ZC3H8: variants seen among roughly 807,000 people sequenced by gnomAD.
ZC3H8 encodes zinc finger CCCH-type containing 8.
A neutral mutation model predicts 42.5 loss-of-function variants in ZC3H8; 27 were observed. The observed-to-expected ratio is 0.64, with a 90% confidence interval of 0.47 to 0.88. ZC3H8 has a LOEUF of 0.88. Ranked by LOEUF, ZC3H8 falls within the 40% of genes least tolerant of loss-of-function variation. The pLI is 0.00. For missense variants in ZC3H8, 277 were observed against 336.1 expected (o/e 0.82, Z 1.37); for synonymous variants, 101 against 110.1 (o/e 0.92, Z 0.52).
intron 8 of ZC3H8, among the ~76,000 whole-genome samples, chr2:112,227,459 C>T (rs920924586): frequency 2.6e-5 from 4 of 152,102 alleles, no homozygotes; most frequent in African/African-American, 7.2e-5. Context: ...CGCAAGGCCG[C>T]GGTTGCAGTG....
intron 8 of ZC3H8, among the ~76,000 whole-genome samples, chr2:112,219,091 G>A (rs773094790): frequency 6.6e-6 from 1 of 151,996 alleles, no homozygotes; most frequent in Non-Finnish European, 1.5e-5. Context: ...TCCAGAAATA[G>A]AAAAATCTGT....
At chr2:112,252,577 G>C (rs887659100) in intron 1 of ZC3H8, among the ~76,000 whole-genome samples, 3 of 151,930 alleles carry the variant, frequency 2.0e-5, no homozygotes, top group Admixed American at 6.6e-5. Flanking sequence ...TCCTTATTTC[G>C]GCACCTACCA....
At chr2:112,220,729 G>A (rs994931634) in intron 8 of ZC3H8, among the ~76,000 whole-genome samples, 11 of 152,210 alleles carry the variant, frequency 7.2e-5, no homozygotes, top group Non-Finnish European at 1.5e-4. Flanking sequence ...GCTGAGGCAG[G>A]AGAATCACTT....
rs539355569 is a variant in ZC3H8 at position 112,229,051 on chromosome 2, T to C, written c.*15+1852A>G. On this transcript the variant is annotated intron_variant, in intron 8 of 8. Coordinates refer to ENST00000409573, the MANE Select transcript of ZC3H8 (RefSeq NM_032494.3). ...AATCAAAATGACTGACAGTAACAAG[T>C]GTTGCTACGGTAATTAAGATAGTAT... Among the ~76,000 whole-genome samples, 89 of 152,320 alleles carry C rather than the reference T, an allele frequency of 5.8e-4. 2 individuals are homozygous for C. The highest frequency in any genetic ancestry group is 1.7e-3 in the African/African-American group (72 of 41,586).
chr2:112,219,858 TGG>T (rs1475335819), intron 8 of ZC3H8, among the ~76,000 whole-genome samples: 2 of 152,202 alleles, frequency 1.3e-5, no homozygotes, highest in African/African-American at 4.8e-5. Flanking sequence ...ATACTGTGAG[TGG>T]AGTGTTTAAT....
chr2:112,242,003 C>T (rs1361934585), intron 2 of ZC3H8, among the ~76,000 whole-genome samples: 1 of 152,216 alleles, frequency 6.6e-6, no homozygotes, highest in Non-Finnish European at 1.5e-5. Context: ...CCTATCCACA[C>T]AGCCTACTCA....
rs1394513622 is a variant in ZC3H8 at position 112,214,793 on chromosome 2, C to T, written c.*1691G>A. The T allele has an allele frequency of 1.3e-5, 2 of 152,120 alleles. No homozygotes were observed. Among genetic ancestry groups the T allele is most frequent in the Non-Finnish European group, 2.9e-5 (2 of 68,028 alleles). The allele number at this position is 152,120 out of a possible 1,614,324, so 9.4% of individuals were successfully genotyped here. A position where few individuals can be genotyped will look rare whatever the true frequency, so the allele number is the denominator to read the frequency against. On this transcript the variant is annotated 3_prime_UTR_variant, in exon 9 of 9. Transcript: ENST00000409573. ...GCTGCCATAACCCAGGTAGGAGAGA[C>T]CCACAGGCTAGCAGCTGCTTTGAGA...
chr2:112,231,339 A>G (rs1262236858), intron 7 of ZC3H8, among the ~76,000 whole-genome samples: 3 of 152,214 alleles, frequency 2.0e-5, no homozygotes, highest in African/African-American at 2.4e-5. Flanking sequence ...TAAATTTTTA[A>G]GAGACTAGCT....
intron 2 of ZC3H8, among the ~76,000 whole-genome samples, chr2:112,246,250 T>G (rs1241897569): frequency 6.6e-6 from 1 of 152,224 alleles, no homozygotes; most frequent in East Asian, 1.9e-4. Context: ...AATGTTTTCA[T>G]GTCCACAAAC....
chr2:112,239,537 C>T (rs1258382731), intron 2 of ZC3H8, among the ~76,000 whole-genome samples: 1 of 149,394 alleles, frequency 6.7e-6, no homozygotes, highest in East Asian at 1.9e-4. Context: ...ACAGAAGAAT[C>T]GCTATTATAA....
At chr2:112,253,007 G>A (rs917807280) in intron 1 of ZC3H8, among the ~76,000 whole-genome samples, 2 of 152,146 alleles carry the variant, frequency 1.3e-5, no homozygotes, top group Non-Finnish European at 2.9e-5. Context: ...GGTGGCAGGC[G>A]CCTGTAGTCC....
In ZC3H8 at chr2:112,236,700, A is replaced by T. The variant is rs781773043; in HGVS notation, c.371-5T>A. On this transcript the variant is annotated splice_region_variant and splice_polypyrimidine_tract_variant and intron_variant, in intron 3 of 8. Coordinates refer to ENST00000409573, the MANE Select transcript of ZC3H8 (RefSeq NM_032494.3). ...TTTTATTTTTTTGTTTAGCAGCTAA[A>T]AACAAAAAATTAATTTAAAAAATGA... is the stretch of plus-strand genomic sequence containing the variant. 6 of 1,599,158 alleles carry T rather than the reference A, an allele frequency of 3.8e-6. No individual in the cohort carries two copies. The highest frequency in any genetic ancestry group is 1.8e-5 in the Admixed American group (1 of 57,044).
At chr2:112,226,676 A>C (rs989900576) in intron 8 of ZC3H8, among the ~76,000 whole-genome samples, 4 of 151,722 alleles carry the variant, frequency 2.6e-5, no homozygotes, top group African/African-American at 9.7e-5. Flanking sequence ...TTCTTCCAGA[A>C]AATAGGGGAA....
At chr2:112,222,372 T>C (rs948121449) in intron 8 of ZC3H8, among the ~76,000 whole-genome samples, 29 of 152,136 alleles carry the variant, frequency 1.9e-4, no homozygotes, top group South Asian at 6.2e-4. Flanking sequence ...GCCTGGCCTG[T>C]CTGGCTACAA....
intron 8 of ZC3H8, among the ~76,000 whole-genome samples, chr2:112,217,743 T>TA (rs1376694642): frequency 1.3e-5 from 2 of 152,230 alleles, no homozygotes; most frequent in Non-Finnish European, 2.9e-5. Context: ...AATTTTTGCT[T>TA]AAAAGCTTGA....
intron 2 of ZC3H8, among the ~76,000 whole-genome samples, chr2:112,240,970 TGTGTGTGTGTGTGTGCGC>T (rs1685551173): frequency 6.9e-6 from 1 of 144,818 alleles, no homozygotes; most frequent in African/African-American, 2.6e-5. Context: ...TGTGTGTGTG[TGTGTGTGTGTGTGTGCGC>T]GTGTGTATGT....
chr2:112,212,759 G>C lies in ZC3H8; in HGVS notation c.*3725C>G, dbSNP rs184846140. ...TCTGGTGTCATAATCCCTATTATAA[G>C]ACTGTAATAAAGATTAAAAATAGAT... is the stretch of plus-strand genomic sequence containing the variant. On this transcript the variant is annotated 3_prime_UTR_variant, in exon 9 of 9. Transcript: ENST00000409573. 1 of 152,086 alleles carries C rather than the reference G, an allele frequency of 6.6e-6. No homozygotes were observed. Among genetic ancestry groups the C allele is most frequent in the Admixed American group, 6.5e-5 (1 of 15,286 alleles). 9.4% of individuals were successfully genotyped at this position (152,086 alleles called of 1,614,324 possible).
intron 2 of ZC3H8, among the ~76,000 whole-genome samples, chr2:112,239,853 A>T (rs7591379): frequency 1.3e-5 from 2 of 152,044 alleles, no homozygotes; most frequent in East Asian, 3.9e-4. Flanking sequence ...CCAAAGTGCT[A>T]GGATTACAGC....
chr2:112,231,986 A>G (rs1685112806), intron 6 of ZC3H8, 39 bp from the exon 7 acceptor site: 1 of 1,210,904 alleles, frequency 8.3e-7, no homozygotes, highest in African/African-American at 1.5e-5. Flanking sequence ...TTTTAATCCA[A>G]TTGAAATAAT....
Sources: allele counts gnomAD v4.1 joint callset (sites outside exome capture counted in the v4.1 genomes callset), GRCh38; gene constraint gnomAD v4.1.1; transcripts MANE v1.5; gene names NCBI Gene and HGNC (gene_info 2026-07-23, HGNC 2026-07-21).